The following AFMID variants were observed in gnomAD, a reference collection of about 807,000 sequenced individuals.
AFMID encodes kynurenine formamidase.
A neutral mutation model predicts 47.5 loss-of-function variants in AFMID; 39 were observed. The observed-to-expected ratio is 0.82, with a 90% CI of 0.64 to 1.07. The LOEUF (loss-of-function observed/expected upper bound fraction) is 1.07, where lower values mean the gene tolerates loss of function less well. AFMID is among the 50% of genes least tolerant of loss of function. AFMID has a pLI of 0.00. For missense variants in AFMID, 375 were observed against 387.5 expected (o/e 0.97, Z 0.27); for synonymous variants, 130 against 153.2 (o/e 0.85, Z 1.12).
At chr17:78,191,545 C>T (rs1172051798) in intron 2 of AFMID, among the ~76,000 whole-genome samples, 2 of 152,048 alleles carry the variant, frequency 1.3e-5, no homozygotes, top group African/African-American at 2.4e-5. Flanking sequence ...ATTAGCTGGA[C>T]ACCTGTAATT....
At chr17:78,188,110 A>G (rs576303762) in intron 1 of AFMID, among the ~76,000 whole-genome samples, 1 of 152,000 alleles carries the variant, frequency 6.6e-6, no homozygotes, top group South Asian at 2.1e-4. Flanking sequence ...TGGTATTTAC[A>G]TTGGGGTTGT....
intron 2 of AFMID, among the ~76,000 whole-genome samples, chr17:78,193,723 AT>A (rs1235297386): frequency 6.6e-6 from 1 of 152,054 alleles, no homozygotes; most frequent in Non-Finnish European, 1.5e-5. Flanking sequence ...CACGCATGTA[AT>A]CCCAGCACTT....
intron 2 of AFMID, chr17:78,197,133 A>G (rs771960259): frequency 8.4e-6 from 13 of 1,547,388 alleles, no homozygotes; most frequent in Non-Finnish European, 1.1e-5. Flanking sequence ...ACTTTAATCT[A>G]GTCCATTTAT....
At chr17:78,187,676 C>T (rs907439360) in intron 1 of AFMID, among the ~76,000 whole-genome samples, 4 of 151,966 alleles carry the variant, frequency 2.6e-5, no homozygotes, top group African/African-American at 9.7e-5. Flanking sequence ...TAATAATATC[C>T]GTAGACCCTG....
At chr17:78,191,112 A>C in intron 2 of AFMID, 52 bp downstream of exon 2, 1 of 1,510,506 alleles carries the variant, frequency 6.6e-7, no homozygotes, top group Non-Finnish European at 9.2e-7. Context: ...AGCATGTGGC[A>C]GTGATTCAGA....
At chr17:78,202,352 C>G in intron 2 of AFMID, 147 bp from the exon 3 acceptor site, 1 of 668,152 alleles carries the variant, frequency 1.5e-6, no homozygotes, top group Non-Finnish European at 2.5e-6. Flanking sequence ...TCGCTTGAAC[C>G]GGGGAGGTGG....
chr17:78,205,448 C>A lies in AFMID; in HGVS notation c.574C>A (p.Leu192Met). 1 of 1,614,202 alleles carries A rather than the reference C, an allele frequency of 6.2e-7. No homozygotes were observed. The highest frequency in any genetic ancestry group is 8.5e-7 in the Non-Finnish European group (1 of 1,180,020). Residue 192 changes from leucine (L) to methionine (M), a missense_variant, in exon 8 of 11, where the codon CTG becomes ATG. Physicochemically the swap from Leu to Met is conservative, Grantham distance 15. Transcript: ENST00000409257. ...ATTCTGTACCTTCACAGGCTTTTTC[C>A]TGGTGAGTGGGGTCTTTGACCTGGA... is the stretch of plus-strand genomic sequence containing the variant. Reference protein sequence around the residue: ...GVTPNLRGFFLVSGVFDLEPI... With the variant: ...GVTPNLRGFFMVSGVFDLEPI...
At chr17:78,190,718 G>C (rs1341407301) in intron 1 of AFMID, 7 of 440,316 alleles carry the variant, frequency 1.6e-5, no homozygotes, top group African/African-American at 1.4e-4. Flanking sequence ...ACTGCTGTGG[G>C]AGTGGTGCCC....
intron 4 of AFMID, chr17:78,204,132 ATTTTACAGATGACAAAACCAGGC>A (rs2145876990): frequency 6.2e-6 from 1 of 160,776 alleles, no homozygotes; most frequent in Non-Finnish European, 1.4e-5. Flanking sequence ...AATTGCCTCT[ATTTTACAGATGACAAAACCAGGC>A]TTAGAAGTTA....
chr17:78,191,945 C>T (rs1018966079), intron 2 of AFMID, among the ~76,000 whole-genome samples: 4 of 151,980 alleles, frequency 2.6e-5, no homozygotes, highest in Non-Finnish European at 4.4e-5. Context: ...CTCGGCCTCC[C>T]AAAGTGCTGG....
In AFMID at chr17:78,204,666, T is replaced by G; in HGVS notation, c.319T>G (p.Ser107Ala). 6.2e-7 allele frequency: 1 copy of G among 1,614,042 alleles called. No individual in the cohort carries two copies. Among genetic ancestry groups the G allele is most frequent in the South Asian group, 1.1e-5 (1 of 91,080 alleles). ...TGTGTGTCTCTGCAGTAAGGATGAG[T>G]CTGCCTTCATGGTCCACCCGCTGAC... Reference protein sequence around the residue: ...GYWQSGSKDESAFMVHPLTAQ... With the variant: ...GYWQSGSKDEAAFMVHPLTAQ... Residue 107 changes from serine (S) to alanine (A), a missense_variant, in exon 5 of 11, where the codon TCT becomes GCT. Coordinates refer to ENST00000409257, the MANE Select transcript of AFMID (RefSeq NM_001010982.5).
chr17:78,199,019 G>A (rs777531716), intron 2 of AFMID, among the ~76,000 whole-genome samples: 4 of 152,196 alleles, frequency 2.6e-5, no homozygotes, highest in Non-Finnish European at 4.4e-5. Context: ...AGTATTTCTT[G>A]GAGATGTTTC....
Position 78,204,835 on chromosome 17 carries a change from G to A in AFMID, c.402G>A (p.Leu134=). ...VAYGIAPKGT[L]DHMVDQVTRS... ...CTCATGCTCTCTGTGCAGGCACCCT[G>A]GACCACATGGTAGACCAGGTGACCC... The change falls in exon 6 of 11, where the codon CTG becomes CTA. Residue 134 remains leucine (L), a synonymous_variant. Coordinates refer to ENST00000409257, the MANE Select transcript of AFMID (RefSeq NM_001010982.5). 6.2e-7 allele frequency: 1 copy of A among 1,614,246 alleles called. No homozygotes were observed. The highest frequency in any genetic ancestry group is 8.5e-7 in the Non-Finnish European group (1 of 1,180,044).
intron 2 of AFMID, among the ~76,000 whole-genome samples, chr17:78,202,258 AAT>A (rs542326531): frequency 2.6e-4 from 38 of 147,362 alleles, no homozygotes; most frequent in East Asian, 6.1e-4. Flanking sequence ...TCTACTAAAA[AAT>A]ATATATATAT....
rs1163959276 is a variant in AFMID at position 78,207,273 on chromosome 17, C to CTTT, written c.*362_*364dup. ...ACGCTCAAAAGTAATGCCATTACTT[C>CTTT]TTTTTTTTTTTTTTTTTTTTTTTTT... is the stretch of plus-strand genomic sequence containing the variant. On this transcript the variant is annotated 3_prime_UTR_variant, in exon 11 of 11. Coordinates refer to ENST00000409257, the MANE Select transcript of AFMID (RefSeq NM_001010982.5). 4.8e-3 allele frequency: 407 copies of CTTT among 85,394 alleles called. 56 individuals carry two copies. In the East Asian group the frequency reaches 0.056, roughly 12 times the overall value. 5.3% of individuals were successfully genotyped at this position (85,394 alleles called of 1,614,324 possible). A position where few individuals can be genotyped will look rare whatever the true frequency, so the allele number is the denominator to read the frequency against.
chr17:78,198,074 C>G (rs1188121506), intron 2 of AFMID, among the ~76,000 whole-genome samples: 1 of 152,016 alleles, frequency 6.6e-6, no homozygotes, highest in Non-Finnish European at 1.5e-5. Context: ...ACAAAAAATA[C>G]AAAAGTTAGC....
Position 78,202,728 on chromosome 17 carries a change from C to T in AFMID, c.285C>T (p.His95=), listed in dbSNP as rs777270953. 1.1e-5 allele frequency: 17 copies of T among 1,559,278 alleles called. No individual in the cohort carries two copies. In the East Asian group the frequency reaches 1.4e-4, roughly 13 times the overall value. ...SEALPFFLFF[H]GGYWQSGSKD... ...CCTTGCCTTTCTTCCTGTTCTTTCA[C>T]GGAGGATACTGGCAGAGCGGAAGGT... is the stretch of plus-strand genomic sequence containing the variant. Residue 95 remains histidine, a synonymous_variant, in exon 4 of 11, where the codon CAC becomes CAT. Transcript: ENST00000409257.
chr17:78,205,944 A>G lies in AFMID; in HGVS notation c.781-2A>G. On this transcript the variant is annotated splice_acceptor_variant, in intron 9 of 10. Transcript: ENST00000409257. LOFTEE classifies it high-confidence loss of function. The stretch of plus-strand genomic sequence containing the variant: ...CCCTCTTCCCATGTCTCCCCTGCCC[A>G]GACCCTGTGTCAAGGAGAGTGGAAA... 5.6e-6 allele frequency: 9 copies of G among 1,613,412 alleles called. No individual in the cohort carries two copies. The highest frequency in any genetic ancestry group is 7.6e-6 in the Non-Finnish European group (9 of 1,179,792).
intron 2 of AFMID, among the ~76,000 whole-genome samples, chr17:78,198,732 C>T (rs775404541): frequency 3.9e-5 from 6 of 152,076 alleles, no homozygotes; most frequent in Non-Finnish European, 2.9e-5. Context: ...TCACTTGAAC[C>T]CCAGAGGCGG....
Sources: allele counts gnomAD v4.1 joint callset (sites outside exome capture counted in the v4.1 genomes callset), GRCh38; gene constraint gnomAD v4.1.1; transcripts MANE v1.5; gene names NCBI Gene and HGNC (gene_info 2026-07-23, HGNC 2026-07-21).